Variants in NECAB3 observed in about 807,000 individuals in gnomAD.
NECAB3 encodes the protein N-terminal EF-hand calcium binding protein 3.
In NECAB3, 38 loss-of-function variants were observed where a neutral mutation model predicts 57.2. The observed-to-expected ratio is 0.66, with a 90% CI of 0.51 to 0.87. The LOEUF is 0.87. Among genes scored for constraint, NECAB3 ranks in the 40% least tolerant of loss-of-function variants. The pLI, the probability that NECAB3 is intolerant of heterozygous loss-of-function variation, is 0.00. For synonymous variants in NECAB3, 223 were observed against 222.6 expected (o/e 1.00, Z -0.02); for missense variants, 474 against 527.5 (o/e 0.90, Z 0.99).
chr20:33,674,444 C>G (rs931415305), upstream of NECAB3: 15 of 1,019,130 alleles, frequency 1.5e-5, no homozygotes, highest in Non-Finnish European at 1.8e-5. Flanking sequence ...CCCTTGGCGC[C>G]GGCGCCGACG....
intron 10 of NECAB3, 26 bp downstream of exon 10, chr20:33,658,451 G>C (rs1214757568): frequency 6.2e-7 from 1 of 1,609,492 alleles, no homozygotes; most frequent in South Asian, 1.1e-5. Flanking sequence ...ATTCCATGGT[G>C]TTAGCGGCCA....
At chr20:33,665,095 C>T (rs996389647) in intron 5 of NECAB3, 1 of 152,338 alleles carries the variant, frequency 6.6e-6, no homozygotes, top group Non-Finnish European at 1.5e-5. Context: ...TCCTGTCAGC[C>T]CCTCCCCCTA....
In NECAB3 at chr20:33,662,604, G is replaced by A. The variant is rs1249417184; in HGVS notation, c.388-2209C>T. On this transcript the variant is annotated intron_variant, in intron 5 of 11. Transcript: ENST00000246190. ...GTCCTAGGGGGTGAGGGAGGAATTCGAAAATCTCTCCCAAGGATGAGGATC... is the reference window on the plus strand; with the variant it reads ...GTCCTAGGGGGTGAGGGAGGAATTCAAAAATCTCTCCCAAGGATGAGGATC... The A allele has an allele frequency of 4.8e-6, 5 of 1,044,514 alleles. No individual in the cohort carries two copies. In the South Asian group the frequency reaches 4.9e-5, roughly 10 times the overall value. 64.7% of individuals were successfully genotyped at this position (1,044,514 alleles called of 1,614,324 possible).
chr20:33,663,751 C>A (rs2017566241), intron 5 of NECAB3: 1 of 1,483,492 alleles, frequency 6.7e-7, no homozygotes, highest in South Asian at 1.3e-5. Context: ...CAGGGCAGCT[C>A]TGAGCTGGCC....
chr20:33,662,844 G>T (rs776573787), intron 5 of NECAB3: 4 of 221,542 alleles, frequency 1.8e-5, no homozygotes, highest in Admixed American at 5.4e-5. Context: ...AGACTGAGGT[G>T]GACTACGTGA....
At position 33,657,858 on chromosome 20, in the gene NECAB3, C is replaced by T; in HGVS notation, c.1163-1G>A. On this transcript the variant is annotated splice_acceptor_variant, in intron 11 of 11. Transcript: ENST00000246190. LOFTEE classifies it high-confidence loss of function. ...TTGTTATTCATTATCCACCAGGAGG[C>T]TGGGGGTCAGAGGCAGGGGGTCAGG... The T allele has an allele frequency of 1.3e-6, 2 of 1,543,400 alleles. No individual in the cohort carries two copies. The highest frequency in any genetic ancestry group is 1.2e-5 in the South Asian group (1 of 83,112).
chr20:33,668,018 G>T (rs766321587), intron 5 of NECAB3: 1 of 1,541,404 alleles, frequency 6.5e-7, no homozygotes, highest in African/African-American at 1.4e-5. Flanking sequence ...CTGTTTCCTG[G>T]CTTCGCCGAG....
chr20:33,670,731 C>A lies in NECAB3; in HGVS notation c.216G>T (p.Leu72=), dbSNP rs762476741. The part of the protein sequence containing the change: ...QNYFADGVLS[L]GELQELFSGI... Reference sequence around the variant, plus strand: ...CGCTGAACAGTTCCTGCAGCTCCCCCAGGCTGAGAACCCCATCGGCAAAGT... The same window carrying A: ...CGCTGAACAGTTCCTGCAGCTCCCCAAGGCTGAGAACCCCATCGGCAAAGT... Residue 72 remains leucine (L), a synonymous_variant, in exon 3 of 12, where the codon CTG becomes CTT. Coordinates refer to ENST00000246190, the MANE Select transcript of NECAB3 (RefSeq NM_031232.4). 1 of 1,614,004 alleles carries A rather than the reference C, an allele frequency of 6.2e-7. No homozygotes were observed. Among genetic ancestry groups the A allele is most frequent in the African/African-American group, 1.3e-5 (1 of 74,932 alleles).
chr20:33,664,110 G>A (rs2017582865), intron 5 of NECAB3: 1 of 458,238 alleles, frequency 2.2e-6, no homozygotes, highest in African/African-American at 2.0e-5. Context: ...ACAGTGGCGG[G>A]AGGCAGTTTC....
chr20:33,658,222 TG>T (rs748868188), intron 10 of NECAB3, among the ~76,000 whole-genome samples, 189 bp from the exon 11 acceptor site: 7 of 152,192 alleles, frequency 4.6e-5, no homozygotes, highest in Admixed American at 6.5e-5. Context: ...GTCACATACA[TG>T]GTGACAAGTG....
chr20:33,659,471 G>A, intron 8 of NECAB3, 26 bp downstream of exon 8: 1 of 1,442,840 alleles, frequency 6.9e-7, no homozygotes, highest in Non-Finnish European at 9.2e-7. Flanking sequence ...CGGCCATCCA[G>A]CCGCTTGCCC....
At chr20:33,672,104 G>A (rs1445587059) in intron 2 of NECAB3, 2 of 488,676 alleles carry the variant, frequency 4.1e-6, no homozygotes, top group South Asian at 2.4e-5. Context: ...TGGTGGTTGT[G>A]AGGACAACAG....
chr20:33,657,801 C>T lies in NECAB3; in HGVS notation c.*28G>A, dbSNP rs374672683. On this transcript the variant is annotated 3_prime_UTR_variant, in exon 12 of 12. Transcript: ENST00000246190. Reference sequence around the variant, plus strand: ...CTCCAGAGGGAGGCAGGCAGGGTCCCGGGGCCCTCGGCGTGTGCAGGTCTG... The same window carrying T: ...CTCCAGAGGGAGGCAGGCAGGGTCCTGGGGCCCTCGGCGTGTGCAGGTCTG... 7.9e-6 allele frequency: 12 copies of T among 1,513,130 alleles called. No individual in the cohort carries two copies. The highest frequency in any genetic ancestry group is 2.2e-4 in the Middle Eastern group (1 of 4,564). 93.7% of individuals were successfully genotyped at this position (1,513,130 alleles called of 1,614,324 possible). A position where few individuals can be genotyped will look rare whatever the true frequency, so the allele number is the denominator to read the frequency against.
intron 5 of NECAB3, chr20:33,667,417 G>T: frequency 7.8e-6 from 11 of 1,407,574 alleles, no homozygotes; most frequent in South Asian, 3.1e-5. Context: ...GCTGGTGAGC[G>T]ACTCGCCGTT....
chr20:33,659,854 G>A (rs773730411), intron 7 of NECAB3, 31 bp downstream of exon 7: 13 of 1,538,758 alleles, frequency 8.4e-6, no homozygotes, highest in African/African-American at 2.7e-5. Context: ...TGCCTGCCTC[G>A]GCCAGGCCTC....
At chr20:33,664,388 G>A (rs2017589547) in intron 5 of NECAB3, 1 of 154,594 alleles carries the variant, frequency 6.5e-6, no homozygotes, top group African/African-American at 2.4e-5. Flanking sequence ...GCACCCAGGA[G>A]AAGCTGGAAG....
At chr20:33,671,191 C>T (rs1207697885) in intron 2 of NECAB3, among the ~76,000 whole-genome samples, 1 of 152,196 alleles carries the variant, frequency 6.6e-6, no homozygotes, top group Non-Finnish European at 1.5e-5. Flanking sequence ...ATTCTCTGGA[C>T]CCAGGACCTT....
chr20:33,660,336 C>G lies in NECAB3; in HGVS notation c.447G>C (p.Thr149=), dbSNP rs772005089. 3 of 1,613,552 alleles carry G rather than the reference C, an allele frequency of 1.9e-6. No individual in the cohort carries two copies. The highest frequency in any genetic ancestry group is 1.7e-5 in the Admixed American group (1 of 60,024). The change falls in exon 6 of 12, where the codon ACG becomes ACC. Residue 149 remains threonine (T), a synonymous_variant. Coordinates refer to ENST00000246190, the MANE Select transcript of NECAB3 (RefSeq NM_031232.4). This position sits in a 1 kb window ranked among gnomAD's most constrained non-coding sequence, Gnocchi z 4.1. ...TCTGAAGGGCTTGCAGCTGGCTCAC[C>G]GTCTCCCGCAGCAGGAAGCGCGTCA... ...QFVTRFLLRE[T]VSQLQALQSS... is the part of the protein sequence containing the mutation.
upstream of NECAB3, chr20:33,674,451 G>C (rs886285366): frequency 3.0e-6 from 3 of 990,512 alleles, no homozygotes; most frequent in Admixed American, 5.6e-5. Flanking sequence ...CGCCGGCGCC[G>C]ACGCGCGGGC....
Sources: gnomAD v4.1 joint callset for allele counts (sites outside exome capture counted in the v4.1 genomes callset) on GRCh38, gnomAD v4.1.1 for gene constraint, Gnocchi (gnomAD v3.1) non-coding constraint, MANE v1.5 for transcripts, NCBI Gene and HGNC (gene_info 2026-07-23, HGNC 2026-07-21) for gene names.